Variants in NLRP1 observed in about 807,000 individuals in gnomAD.
NLRP1 encodes the protein NLR family pyrin domain containing 1, also known as NACHT, LRR and PYD domains-containing protein 1.
In NLRP1, 94 loss-of-function variants were observed where a neutral mutation model predicts 136.7. The ratio of observed to expected loss-of-function variants is 0.69; its 90% CI spans 0.58 to 0.82. The LOEUF (loss-of-function observed/expected upper bound fraction) is 0.82, where lower values mean the gene tolerates loss of function less well. Ranked by LOEUF, NLRP1 falls within the 40% of genes least tolerant of loss-of-function variation. The pLI is 0.00. For synonymous variants in NLRP1, 690 were observed against 725.1 expected (o/e 0.95, Z 0.78); for missense variants, 1,575 against 1,802.7 (o/e 0.87, Z 2.29).
intron 8 of NLRP1, among the ~76,000 whole-genome samples, chr17:5,535,663 C>A (rs34402930): frequency 0.056 from 8,519 of 152,290 alleles, 280 homozygotes; most frequent in Middle Eastern, 0.088. Flanking sequence ...CTTAGATCCC[C>A]AAACAGTGCC....
At chr17:5,570,143 T>C (rs1915722963) in intron 3 of NLRP1, among the ~76,000 whole-genome samples, 2 of 152,024 alleles carry the variant, frequency 1.3e-5, no homozygotes, top group Middle Eastern at 3.2e-3. Flanking sequence ...TAAATGCCCA[T>C]ATCAAAAAGT....
chr17:5,525,724 T>G (rs942175266), intron 12 of NLRP1, among the ~76,000 whole-genome samples: 1 of 152,220 alleles, frequency 6.6e-6, no homozygotes, highest in African/African-American at 2.4e-5. Flanking sequence ...CTGAGCAGAT[T>G]ACTTGCCCTC....
chr17:5,538,080 C>T (rs369133140), intron 7 of NLRP1, among the ~76,000 whole-genome samples: 6 of 152,296 alleles, frequency 3.9e-5, no homozygotes, highest in African/African-American at 7.2e-5. Flanking sequence ...GAGGAAAGCC[C>T]GAGGCCCAGG....
At chr17:5,548,074 G>A (rs915281020) in intron 5 of NLRP1, among the ~76,000 whole-genome samples, 5 of 152,086 alleles carry the variant, frequency 3.3e-5, no homozygotes, top group Non-Finnish European at 5.9e-5. Flanking sequence ...AACAGGGTAG[G>A]TGGCTGCCAT....
In NLRP1 at chr17:5,539,476, C is replaced by T. The variant is rs760487890; in HGVS notation, c.2809G>A (p.Val937Ile). 21 of 1,614,062 alleles carry T rather than the reference C, an allele frequency of 1.3e-5. No homozygotes were observed. Among genetic ancestry groups the T allele is most frequent in the African/African-American group, 2.7e-5 (2 of 74,940 alleles). The change falls in exon 7 of 17, where the codon GTT becomes ATT. Residue 937 changes from valine (V) to isoleucine (I), a missense_variant. Physicochemically the swap from Val to Ile is conservative, Grantham distance 29 (BLOSUM62 3). Coordinates refer to ENST00000572272, the MANE Select transcript of NLRP1 (RefSeq NM_033004.4). Reference sequence around the variant, plus strand: ...CCCTCACAGAGCAGTCGCACGCCAACGTCATCCAGGTTGTTCTGCTGCAGG... The same window carrying T: ...CCCTCACAGAGCAGTCGCACGCCAATGTCATCCAGGTTGTTCTGCTGCAGG... Reference protein sequence around the residue: ...LDLQQNNLDDVGVRLLCEGLR... With the variant: ...LDLQQNNLDDIGVRLLCEGLR...
At chr17:5,535,349 C>T (rs567271868) in intron 8 of NLRP1, among the ~76,000 whole-genome samples, 21 of 152,260 alleles carry the variant, frequency 1.4e-4, no homozygotes, top group African/African-American at 4.6e-4. Flanking sequence ...TGCTGGTCCA[C>T]GGACCACAGT....
intron 3 of NLRP1, among the ~76,000 whole-genome samples, chr17:5,564,487 C>T (rs374699278): frequency 8.5e-5 from 13 of 152,288 alleles, no homozygotes; most frequent in East Asian, 7.7e-4. Context: ...TTTCACATAA[C>T]GTAATCTCCA....
intron 4 of NLRP1, among the ~76,000 whole-genome samples, chr17:5,555,681 T>A (rs1293767972): frequency 6.6e-6 from 1 of 152,160 alleles, no homozygotes; most frequent in African/African-American, 2.4e-5. Context: ...TTTATAACTA[T>A]GAACAACTAG....
intron 3 of NLRP1, among the ~76,000 whole-genome samples, chr17:5,574,037 A>T (rs948892202): frequency 1.3e-5 from 2 of 152,236 alleles, no homozygotes; most frequent in Non-Finnish European, 2.9e-5. Context: ...CGAATCCATC[A>T]CAAAGAAGCT....
chr17:5,539,999 G>T (rs1911661834), intron 6 of NLRP1, among the ~76,000 whole-genome samples: 1 of 152,168 alleles, frequency 6.6e-6, no homozygotes, highest in African/African-American at 2.4e-5. Flanking sequence ...GTGCCCGGCC[G>T]GTAGGGCCTT....
chr17:5,560,745 A>C (rs1914640076), intron 3 of NLRP1, among the ~76,000 whole-genome samples: 1 of 152,198 alleles, frequency 6.6e-6, no homozygotes, highest in African/African-American at 2.4e-5. Flanking sequence ...CCTGTTCCAT[A>C]ATCTACCTTT....
intron 4 of NLRP1, among the ~76,000 whole-genome samples, chr17:5,556,348 C>A (rs12150468): frequency 6.6e-6 from 1 of 151,416 alleles, no homozygotes; most frequent in Non-Finnish European, 1.5e-5. Flanking sequence ...CAGCTCCTAG[C>A]GGGGCTGAGG....
intron 11 of NLRP1, among the ~76,000 whole-genome samples, 160 bp from the exon 12 acceptor site, chr17:5,530,864 T>G (rs1910146562): frequency 6.6e-6 from 1 of 152,234 alleles, no homozygotes; most frequent in African/African-American, 2.4e-5. Context: ...TCTTCTGCTC[T>G]TGACTGTGGA....
intron 8 of NLRP1, among the ~76,000 whole-genome samples, chr17:5,534,723 T>C (rs1443426263): frequency 6.6e-6 from 1 of 152,172 alleles, no homozygotes; most frequent in African/African-American, 2.4e-5. Context: ...AATAGGAACC[T>C]GACCCATCAC....
intron 3 of NLRP1, among the ~76,000 whole-genome samples, chr17:5,573,775 C>T (rs2151821276): frequency 6.6e-6 from 1 of 152,304 alleles, no homozygotes; most frequent in Middle Eastern, 3.4e-3. Context: ...AGAAGGAAAA[C>T]TAACAAACAT....
downstream of NLRP1, among the ~76,000 whole-genome samples, chr17:5,509,500 C>T (rs1907516527): frequency 6.6e-6 from 1 of 152,184 alleles, no homozygotes; most frequent in South Asian, 2.1e-4. Flanking sequence ...GTGACTCCTT[C>T]AGGAAAGGCA....
At chr17:5,528,889 G>A (rs1265240796) in intron 12 of NLRP1, among the ~76,000 whole-genome samples, 1 of 152,146 alleles carries the variant, frequency 6.6e-6, no homozygotes, top group Non-Finnish European at 1.5e-5. Flanking sequence ...TAGCTAAACT[G>A]TACAAATCAT....
intron 15 of NLRP1, among the ~76,000 whole-genome samples, chr17:5,508,292 T>C (rs1212118668): frequency 6.6e-6 from 1 of 152,196 alleles, no homozygotes. Flanking sequence ...AACGAGACTC[T>C]GTCTCAAAAG....
At chr17:5,511,715 C>T (rs1050483779), downstream of NLRP1, among the ~76,000 whole-genome samples, 57 of 146,280 alleles carry the variant, frequency 3.9e-4, no homozygotes, top group African/African-American at 1.3e-3. Context: ...CCCCTCCTCG[C>T]GTAGGTCCTT....
Sources: allele counts gnomAD v4.1 joint callset (sites outside exome capture counted in the v4.1 genomes callset), GRCh38; gene constraint gnomAD v4.1.1; transcripts MANE v1.5; gene names NCBI Gene and HGNC (gene_info 2026-07-23, HGNC 2026-07-21).